Variants in XIRP2 observed in about 807,000 individuals in gnomAD.
The protein encoded by XIRP2 is xin actin-binding repeat-containing protein 2.
Under a neutral mutation model 277.0 loss-of-function variants are expected in XIRP2, and 236 were observed. That is an observed-to-expected ratio of 0.85 (90% CI 0.77 to 0.95). XIRP2 has a LOEUF of 0.95. Among genes scored for constraint, XIRP2 ranks in the 40% least tolerant of loss-of-function variants. The pLI, the probability that XIRP2 is intolerant of heterozygous loss-of-function variation, is 0.00. For missense variants in XIRP2, 4,640 were observed against 4,157.5 expected (o/e 1.12, Z -3.19); for synonymous variants, 1,490 against 1,416.5 (o/e 1.05, Z -1.17).
At chr2:167,031,834 C>A (rs1400123990) in intron 2 of XIRP2, among the ~76,000 whole-genome samples, 1 of 152,080 alleles carries the variant, frequency 6.6e-6, no homozygotes, top group African/African-American at 2.4e-5. Flanking sequence ...AAATTCCATG[C>A]TCATAGATAG....
intron 2 of XIRP2, among the ~76,000 whole-genome samples, chr2:166,951,863 A>T (rs935283734): frequency 1.3e-5 from 2 of 151,970 alleles, no homozygotes; most frequent in Non-Finnish European, 2.9e-5. Context: ...CAGACTTGAG[A>T]TCCTATCCTA....
rs148382422 is a variant in XIRP2, at chr2:167,119,939, T to C, written c.409-15970T>C. Among the ~76,000 whole-genome samples the C allele has an allele frequency of 1.8e-4, 27 of 152,304 alleles. No homozygotes were observed. The East Asian group carries it at 5.2e-3, about 29-fold the overall frequency. ...CATCATAAAGATGTTATATGGATAATCCACTTAGAGGCTTCCCTTCTGTGC... is the reference window on the plus strand; with the variant it reads ...CATCATAAAGATGTTATATGGATAACCCACTTAGAGGCTTCCCTTCTGTGC... On this transcript the variant is annotated intron_variant, in intron 2 of 10. Transcript: ENST00000409195.
chr2:167,128,949 A>G (rs1691295076), intron 2 of XIRP2, among the ~76,000 whole-genome samples: 1 of 152,194 alleles, frequency 6.6e-6, no homozygotes, highest in South Asian at 2.1e-4. Context: ...TGAGTGAAAG[A>G]TGAGTATAGA....
At chr2:167,217,373 C>G (rs545632631) in intron 4 of XIRP2, among the ~76,000 whole-genome samples, 1 of 152,080 alleles carries the variant, frequency 6.6e-6, no homozygotes, top group Non-Finnish European at 1.5e-5. Flanking sequence ...CCCCCTGATT[C>G]TGACATGCCT....
At chr2:166,966,913 C>A (rs1686447608) in intron 2 of XIRP2, among the ~76,000 whole-genome samples, 1 of 151,936 alleles carries the variant, frequency 6.6e-6, no homozygotes, top group African/African-American at 2.4e-5. Context: ...CACTTAGAAC[C>A]CTGTTGGAAT....
At chr2:167,043,955 G>A (rs1688728190) in intron 2 of XIRP2, among the ~76,000 whole-genome samples, 1 of 151,792 alleles carries the variant, frequency 6.6e-6, no homozygotes, top group Non-Finnish European at 1.5e-5. Flanking sequence ...ATAAAAAACA[G>A]GAAGAGAGAT....
chr2:166,986,397 G>A (rs1180340904), intron 2 of XIRP2, among the ~76,000 whole-genome samples: 3 of 152,282 alleles, frequency 2.0e-5, no homozygotes, highest in African/African-American at 4.8e-5. Context: ...CTTCAACATT[G>A]TATAAAATAT....
chr2:167,059,262 C>T lies in XIRP2; in HGVS notation c.409-76647C>T, dbSNP rs760766512. Among the ~76,000 whole-genome samples, 9 of 150,982 alleles carry T rather than the reference C, an allele frequency of 6.0e-5. No individual in the cohort carries two copies. In the South Asian group the frequency reaches 8.4e-4, roughly 14 times the overall value. ...GGGATTATAGGTTTCTACCACCATG[C>T]GTGGCTATTTTTTTATTTTTTTATT... On this transcript the variant is annotated intron_variant, in intron 2 of 10. Coordinates refer to ENST00000409195, the MANE Select transcript of XIRP2 (RefSeq NM_152381.6).
intron 2 of XIRP2, among the ~76,000 whole-genome samples, chr2:167,050,564 C>T (rs1339898966): frequency 6.6e-6 from 1 of 151,886 alleles, no homozygotes; most frequent in East Asian, 1.9e-4. Flanking sequence ...GATGGCACGG[C>T]AAGGGATGGC....
intron 9 of XIRP2, 144 bp downstream of exon 9, chr2:167,252,091 A>G: frequency 7.8e-7 from 1 of 1,279,818 alleles, no homozygotes; most frequent in Non-Finnish European, 1.0e-6. Context: ...GTATGCTTAT[A>G]GACTCTTTAT....
chr2:167,247,627 A>T lies in XIRP2; in HGVS notation c.6235A>T (p.Met2079Leu). 1.2e-6 allele frequency: 2 copies of T among 1,613,710 alleles called. No homozygotes were observed. Among genetic ancestry groups the T allele is most frequent in the Non-Finnish European group, 1.7e-6 (2 of 1,179,754 alleles). The change falls in exon 9 of 11, where the codon ATG (methionine) becomes TTG (leucine). Residue 2079 changes from methionine to leucine, a missense_variant. Met to Leu is a conservative substitution (Grantham distance 15). Coordinates refer to ENST00000409195, the MANE Select transcript of XIRP2 (RefSeq NM_152381.6). ...AGAACAGCATCTTAGAGATGAATAT[A>T]TGAGCAGACAATTAACTTCAACTGT... ...TGEQHLRDEYMSRQLTSTVSV... is the reference protein window; with the variant it reads ...TGEQHLRDEYLSRQLTSTVSV...
At chr2:167,161,132 C>T (rs1692350398) in intron 3 of XIRP2, among the ~76,000 whole-genome samples, 1 of 152,218 alleles carries the variant, frequency 6.6e-6, no homozygotes, top group Non-Finnish European at 1.5e-5. Flanking sequence ...TCTTGGGCAA[C>T]TCCACATCTG....
intron 2 of XIRP2, among the ~76,000 whole-genome samples, chr2:167,055,685 G>A (rs1362070468): frequency 1.3e-5 from 2 of 152,144 alleles, no homozygotes; most frequent in African/African-American, 2.4e-5. Context: ...TTTGCAATAT[G>A]AGCCTAGTAT....
rs779690788 is a variant in XIRP2, at chr2:167,247,676, C to G, written c.6284C>G (p.Thr2095Ser). 24 of 1,613,434 alleles carry G rather than the reference C, an allele frequency of 1.5e-5. No individual in the cohort carries two copies. The South Asian group carries it at 2.5e-4, about 17-fold the overall frequency. Residue 2095 changes from threonine to serine, a missense_variant, in exon 9 of 11, where the codon ACT (threonine) becomes AGT (serine). By Grantham distance (58) the Thr-to-Ser change is moderately conservative (BLOSUM62 1). Coordinates refer to ENST00000409195, the MANE Select transcript of XIRP2 (RefSeq NM_152381.6). ...STVSVKNNLT[T>S]KESDRAVREL... ...GTGTCAGTTAAGAATAATCTAACAA[C>G]TAAAGAATCAGACAGGGCAGTGAGA...
chr2:167,190,886 T>G (rs950947825), intron 3 of XIRP2, among the ~76,000 whole-genome samples: 1 of 152,138 alleles, frequency 6.6e-6, no homozygotes, highest in African/African-American at 2.4e-5. Flanking sequence ...TAGAATAGTT[T>G]TCCTTTTTAA....
chr2:167,079,085 T>C (rs555057172), intron 2 of XIRP2, among the ~76,000 whole-genome samples: 16 of 152,206 alleles, frequency 1.1e-4, no homozygotes, highest in Non-Finnish European at 1.5e-4. Context: ...TTGGATTTTA[T>C]TGAATGCTTT....
At chr2:166,941,195 T>C (rs1409544328) in intron 2 of XIRP2, among the ~76,000 whole-genome samples, 3 of 152,166 alleles carry the variant, frequency 2.0e-5, no homozygotes, top group Non-Finnish European at 4.4e-5. Flanking sequence ...AATCTCAGAT[T>C]GCTGTGCGAG....
Position 167,251,510 on chromosome 2 carries a change from A to G in XIRP2, c.10118A>G (p.Lys3373Arg). 2.5e-6 allele frequency: 4 copies of G among 1,613,552 alleles called. No homozygotes were observed. The South Asian group carries it at 4.4e-5, about 18-fold the overall frequency. Residue 3373 changes from lysine to arginine, a missense_variant, in exon 9 of 11, where the codon AAG becomes AGG. Coordinates refer to ENST00000409195, the MANE Select transcript of XIRP2 (RefSeq NM_152381.6). ...NIQQESRTFC[K>R]EEFGLTSLGN... ...CAACAAGAAAGTCGTACATTTTGTA[A>G]GGAGGAATTTGGATTAACATCTTTA...
At chr2:167,104,663 A>G (rs1690568410) in intron 2 of XIRP2, among the ~76,000 whole-genome samples, 1 of 152,056 alleles carries the variant, frequency 6.6e-6, no homozygotes, top group Non-Finnish European at 1.5e-5. Context: ...TTGTGTTTTC[A>G]TAGCTTTATT....
Sources: gnomAD v4.1 joint callset for allele counts (sites outside exome capture counted in the v4.1 genomes callset) on GRCh38, gnomAD v4.1.1 for gene constraint, MANE v1.5 for transcripts, NCBI Gene and HGNC (gene_info 2026-07-23, HGNC 2026-07-21) for gene names.